The following AGBL4 variants were observed in gnomAD, a reference collection of about 807,000 sequenced individuals.
AGBL4 encodes the protein AGBL carboxypeptidase 4, also known as cytosolic carboxypeptidase 6.
Under a neutral mutation model 66.4 loss-of-function variants are expected in AGBL4, and 58 were observed. The ratio of observed to expected loss-of-function variants is 0.87; its 90% CI spans 0.71 to 1.09. AGBL4 has a LOEUF of 1.09. Ranked by LOEUF, AGBL4 falls within the 50% of genes least tolerant of loss-of-function variation. The probability of loss-of-function intolerance (pLI) is 0.00; values close to 1 mark genes in which losing one functional copy is unlikely to be tolerated. For missense variants in AGBL4, 579 were observed against 631.0 expected (o/e 0.92, Z 0.88); for synonymous variants, 234 against 222.9 (o/e 1.05, Z -0.44).
intron 4 of AGBL4, among the ~76,000 whole-genome samples, chr1:49,242,412 T>C (rs1177399612): frequency 6.6e-6 from 1 of 151,968 alleles, no homozygotes; most frequent in Non-Finnish European, 1.5e-5. Flanking sequence ...TCCCCATGCA[T>C]GGAATGTGAG....
intron 3 of AGBL4, among the ~76,000 whole-genome samples, chr1:49,547,891 A>G (rs1268391018): frequency 2.0e-5 from 3 of 151,718 alleles, no homozygotes; most frequent in Non-Finnish European, 4.4e-5. Flanking sequence ...CTCCTGCCTC[A>G]GCCTCCTGAG....
At chr1:49,136,050 T>C (rs537435542) in intron 4 of AGBL4, among the ~76,000 whole-genome samples, 16 of 152,264 alleles carry the variant, frequency 1.1e-4, no homozygotes, top group African/African-American at 3.4e-4. Context: ...AAATTAACAG[T>C]AATTGTGAAA....
intron 1 of AGBL4, among the ~76,000 whole-genome samples, chr1:49,944,388 C>T (rs1655030752): frequency 6.6e-6 from 1 of 152,124 alleles, no homozygotes; most frequent in Non-Finnish European, 1.5e-5. Context: ...TCTGTGCAGA[C>T]AACCCCCAGT....
chr1:48,833,037 G>A (rs538956758), intron 6 of AGBL4, among the ~76,000 whole-genome samples: 4 of 152,142 alleles, frequency 2.6e-5, no homozygotes, highest in Admixed American at 1.3e-4. Flanking sequence ...CTAATCATGT[G>A]AGCCAATTAC....
At chr1:49,802,507 T>G (rs757752039) in intron 2 of AGBL4, among the ~76,000 whole-genome samples, 1 of 152,228 alleles carries the variant, frequency 6.6e-6, no homozygotes, top group Non-Finnish European at 1.5e-5. Context: ...TTTTAGTCTC[T>G]GTTAGAAATT....
intron 2 of AGBL4, chr1:49,844,577 G>T: frequency 5.9e-6 from 6 of 1,018,240 alleles, no homozygotes; most frequent in East Asian, 2.7e-5. Flanking sequence ...AAAGCCACTT[G>T]CACCTTGAAC....
chr1:49,177,611 C>T (rs1168302885), intron 4 of AGBL4, among the ~76,000 whole-genome samples: 6 of 152,108 alleles, frequency 3.9e-5, no homozygotes, highest in Admixed American at 3.9e-4. Context: ...CAGCGTGAAG[C>T]TCTGCACTCA....
At chr1:49,329,655 G>C (rs1002502828) in intron 3 of AGBL4, among the ~76,000 whole-genome samples, 1 of 151,934 alleles carries the variant, frequency 6.6e-6, no homozygotes, top group Non-Finnish European at 1.5e-5. Context: ...AACATAGTGA[G>C]ACCCCCCGCC....
At chr1:49,547,172 T>C (rs753392315) in intron 3 of AGBL4, among the ~76,000 whole-genome samples, 8 of 152,222 alleles carry the variant, frequency 5.3e-5, no homozygotes, top group South Asian at 2.1e-4. Context: ...CTTGTGTTGA[T>C]TTTTTAATAA....
intron 1 of AGBL4, among the ~76,000 whole-genome samples, chr1:49,887,801 T>C (rs1387943671): frequency 6.6e-6 from 1 of 152,118 alleles, no homozygotes; most frequent in Non-Finnish European, 1.5e-5. Context: ...CAATTAGTTG[T>C]TGTTATTCCC....
At chr1:49,362,449 CAAAAAAAAAAA>C (rs145467066) in intron 3 of AGBL4, among the ~76,000 whole-genome samples, 1 of 80,914 alleles carries the variant, frequency 1.2e-5, no homozygotes, top group African/African-American at 4.8e-5. Context: ...GACCCTGTCT[CAAAAAAAAAAA>C]AAAAAAAAAA....
At position 49,890,516 on chromosome 1, in the gene AGBL4, G is replaced by A. The variant is rs182709841; in HGVS notation, c.35-38998C>T. ...ATGGAATTTATATTCTGGTTGGAGA[G>A]ATACTTAATAAATATATAAGTAAAT... On this transcript the variant is annotated intron_variant, in intron 1 of 13. Coordinates refer to ENST00000371839, the MANE Select transcript of AGBL4 (RefSeq NM_032785.4). 3.5e-4 allele frequency among the ~76,000 whole-genome samples: 53 copies of A among 152,242 alleles called. 1 individual carries two copies. The highest frequency in any genetic ancestry group is 1.3e-3 in the African/African-American group (52 of 41,554).
At chr1:48,920,735 A>G (rs1654008850) in intron 5 of AGBL4, among the ~76,000 whole-genome samples, 1 of 152,156 alleles carries the variant, frequency 6.6e-6, no homozygotes, top group Non-Finnish European at 1.5e-5. Context: ...GTGCTTCCGC[A>G]TGTTGGAAAC....
At chr1:49,456,247 A>T (rs1646386126) in intron 3 of AGBL4, among the ~76,000 whole-genome samples, 1 of 151,680 alleles carries the variant, frequency 6.6e-6, no homozygotes, top group Non-Finnish European at 1.5e-5. Context: ...CTTGGAGAGG[A>T]ACTCTCTCAA....
intron 3 of AGBL4, among the ~76,000 whole-genome samples, chr1:49,671,365 CCAA>C (rs1335013649): frequency 1.3e-5 from 2 of 151,970 alleles, no homozygotes; most frequent in African/African-American, 4.8e-5. Flanking sequence ...ATGTAAAACC[CCAA>C]AGTATAAAAA....
At chr1:49,252,525 G>A (rs1315479006) in intron 3 of AGBL4, among the ~76,000 whole-genome samples, 1 of 152,138 alleles carries the variant, frequency 6.6e-6, no homozygotes, top group East Asian at 1.9e-4. Context: ...AACTTATCTA[G>A]AGAGACCAAC....
intron 2 of AGBL4, among the ~76,000 whole-genome samples, chr1:49,754,492 C>T (rs117771589): frequency 1.3e-5 from 2 of 152,046 alleles, no homozygotes; most frequent in East Asian, 1.9e-4. Flanking sequence ...CCACTCCAGG[C>T]CCTGTTTGCC....
intron 6 of AGBL4, among the ~76,000 whole-genome samples, chr1:48,693,198 G>C (rs901852390): frequency 6.6e-6 from 1 of 152,158 alleles, no homozygotes; most frequent in Admixed American, 6.5e-5. Flanking sequence ...GCAAGTCCCC[G>C]GACCCTGGGC....
chr1:49,554,698 G>A (rs1001197245), intron 3 of AGBL4, among the ~76,000 whole-genome samples: 6 of 152,168 alleles, frequency 3.9e-5, no homozygotes, highest in African/African-American at 7.2e-5. Context: ...GAATGAAGAC[G>A]CGGACCCTCG....
Sources: gnomAD v4.1 joint callset for allele counts (sites outside exome capture counted in the v4.1 genomes callset) on GRCh38, gnomAD v4.1.1 for gene constraint, MANE v1.5 for transcripts, NCBI Gene and HGNC (gene_info 2026-07-23, HGNC 2026-07-21) for gene names.